ANXA5: variants seen among roughly 807,000 people sequenced by gnomAD.
ANXA5 encodes CBP-I.
A neutral mutation model predicts 48.1 loss-of-function variants in ANXA5; 40 were observed. That is an observed-to-expected ratio of 0.83 (90% confidence interval 0.65 to 1.08). ANXA5 has a LOEUF of 1.08. ANXA5 is among the 50% of genes least tolerant of loss of function. The pLI, the probability that ANXA5 is intolerant of heterozygous loss-of-function variation, is 0.00. For missense variants in ANXA5, 357 were observed against 376.8 expected (o/e 0.95, Z 0.44); for synonymous variants, 113 against 129.1 (o/e 0.88, Z 0.85).
At chr4:121,688,138 C>A (rs1371272198) in intron 2 of ANXA5, among the ~76,000 whole-genome samples, 2 of 152,104 alleles carry the variant, frequency 1.3e-5, no homozygotes, top group Non-Finnish European at 2.9e-5. Context: ...TCACGTTAGG[C>A]TACAATAATG....
At position 121,684,724 on chromosome 4, in the gene ANXA5, C is replaced by A. The variant is rs774223040; in HGVS notation, c.142G>T (p.Ala48Ser). 21 of 1,613,880 alleles carry A rather than the reference C, an allele frequency of 1.3e-5. No homozygotes were observed. Among genetic ancestry groups the A allele is most frequent in the Middle Eastern group, 1.6e-4 (1 of 6,082 alleles). ...GCTGCAGAGATTTCCTGGCGCTGAG[C>A]ATTACTTCGGGATGTCAACAGAGTC... ...ILTLLTSRSN[A>S]QRQEISAAFK... Residue 48 changes from alanine (A) to serine (S), a missense_variant, in exon 4 of 13, where the codon GCT becomes TCT. By Grantham distance (99) the Ala-to-Ser change is moderately conservative. Transcript: ENST00000296511.
intron 8 of ANXA5, among the ~76,000 whole-genome samples, chr4:121,675,151 A>T (rs1280302086): frequency 6.6e-6 from 1 of 152,218 alleles, no homozygotes; most frequent in East Asian, 1.9e-4. Flanking sequence ...CTGGGGAAGA[A>T]GGTAAATCTG....
chr4:121,672,102 C>A (rs552605422), intron 9 of ANXA5, among the ~76,000 whole-genome samples: 1 of 152,268 alleles, frequency 6.6e-6, no homozygotes, highest in Admixed American at 6.5e-5. Flanking sequence ...TGGAATCCCA[C>A]CTCTGGAAAA....
rs576214140 is a variant in ANXA5, at chr4:121,693,979, G to A, written c.9+2602C>T. Among the ~76,000 whole-genome samples the A allele has an allele frequency of 2.6e-5, 4 of 151,230 alleles. No individual in the cohort carries two copies. In the South Asian group the frequency reaches 8.3e-4, roughly 32 times the overall value. ...TTATTATAATAATTTTAAACCAACC[G>A]AAAATATTTCTGATCAAACCTTGTA... On this transcript the variant is annotated intron_variant, in intron 2 of 12. Coordinates refer to ENST00000296511, the MANE Select transcript of ANXA5 (RefSeq NM_001154.4).
At chr4:121,692,363 A>C (rs2110492083) in intron 2 of ANXA5, among the ~76,000 whole-genome samples, 1 of 152,346 alleles carries the variant, frequency 6.6e-6, no homozygotes, top group South Asian at 2.1e-4. Flanking sequence ...ACTTCCCTTG[A>C]CAAACACCAA....
chr4:121,696,654 C>T, intron 1 of ANXA5, 30 bp from the exon 2 acceptor site: 1 of 1,319,456 alleles, frequency 7.6e-7, no homozygotes, highest in Non-Finnish European at 9.8e-7. Context: ...TCGGGCTTAG[C>T]GCGCCATTTG....
At chr4:121,679,950 CTA>C (rs1470303133) in intron 6 of ANXA5, among the ~76,000 whole-genome samples, 1 of 152,140 alleles carries the variant, frequency 6.6e-6, no homozygotes, top group African/African-American at 2.4e-5. Flanking sequence ...TATACTTTCA[CTA>C]TAGTCACCAC....
At chr4:121,678,092 A>G in intron 7 of ANXA5, 142 bp from the exon 8 acceptor site, 1 of 717,344 alleles carries the variant, frequency 1.4e-6, no homozygotes, top group Admixed American at 2.3e-5. Flanking sequence ...GCACTATTTC[A>G]CGTTATCATC....
intron 8 of ANXA5, among the ~76,000 whole-genome samples, chr4:121,674,138 G>A (rs6818227): frequency 0.064 from 9,389 of 146,358 alleles, 754 homozygotes; most frequent in African/African-American, 0.19. Context: ...CCTAGATCAT[G>A]GCACTGCACT....
intron 2 of ANXA5, among the ~76,000 whole-genome samples, chr4:121,696,109 A>G (rs76865656): frequency 0.02 from 3,052 of 151,398 alleles, 36 homozygotes; most frequent in East Asian, 0.042. Context: ...GCAACTGGAA[A>G]AAGCCAATGC....
At chr4:121,677,708 A>G (rs1664350922) in intron 8 of ANXA5, among the ~76,000 whole-genome samples, 186 bp downstream of exon 8, 1 of 152,188 alleles carries the variant, frequency 6.6e-6, no homozygotes, top group Non-Finnish European at 1.5e-5. Context: ...GCTTTAAGGT[A>G]AAATATTTTG....
rs147110745 is a variant in ANXA5, at chr4:121,672,557, G to A, written c.601C>T (p.Arg201Ter). Reference sequence around the variant, plus strand: ...CCCTTTCTCAAATGAGACACACTTCGTGTTCCAAAGATGGTGATAAACTTT... The same window carrying A: ...CCCTTTCTCAAATGAGACACACTTCATGTTCCAAAGATGGTGATAAACTTT... Reference protein sequence around the residue: ...EEKFITIFGTRSVSHLRKVFD... With the variant: ...EEKFITIFGT Residue 201 changes from arginine to a stop codon, truncating the protein, a stop_gained, in exon 9 of 13, where the codon CGA (arginine) becomes TGA (stop). Transcript: ENST00000296511. LOFTEE classifies it high-confidence loss of function. 490 of 1,613,456 alleles carry A rather than the reference G, an allele frequency of 3.0e-4. 1 individual carries two copies. The highest frequency in any genetic ancestry group is 3.8e-4 in the South Asian group (35 of 91,038).
At chr4:121,670,568 T>TACA (rs1243126619) in intron 10 of ANXA5, among the ~76,000 whole-genome samples, 3 of 151,938 alleles carry the variant, frequency 2.0e-5, no homozygotes, top group Non-Finnish European at 2.9e-5. Context: ...TCTGAACATG[T>TACA]ACATGTTGAA....
intron 9 of ANXA5, among the ~76,000 whole-genome samples, chr4:121,672,097 T>C (rs1724623160): frequency 3.3e-5 from 5 of 152,118 alleles, no homozygotes; most frequent in Admixed American, 2.0e-4. Context: ...AACCATGGAA[T>C]CCCACCTCTG....
chr4:121,691,084 G>T (rs1724976004), intron 2 of ANXA5, among the ~76,000 whole-genome samples: 1 of 152,158 alleles, frequency 6.6e-6, no homozygotes, highest in Non-Finnish European at 1.5e-5. Flanking sequence ...CAACTCTTAA[G>T]TAGGTACTGT....
chr4:121,676,963 G>A (rs1457170955), intron 8 of ANXA5, among the ~76,000 whole-genome samples: 1 of 152,170 alleles, frequency 6.6e-6, no homozygotes, highest in Non-Finnish European at 1.5e-5. Flanking sequence ...TGAAGCAAGA[G>A]TCAAATACTG....
chr4:121,670,503 G>A (rs1170085959), intron 10 of ANXA5, among the ~76,000 whole-genome samples: 1 of 152,092 alleles, frequency 6.6e-6, no homozygotes, highest in Non-Finnish European at 1.5e-5. Flanking sequence ...AGCAGCATGA[G>A]ATTTATCCAT....
intron 11 of ANXA5, 83 bp downstream of exon 11, chr4:121,669,871 A>G: frequency 4.1e-6 from 6 of 1,453,684 alleles, no homozygotes; most frequent in Non-Finnish European, 4.7e-6. Flanking sequence ...CCCAAGGTCT[A>G]TCATCTAAAA....
chr4:121,685,598 T>C (rs1724873129), intron 3 of ANXA5, among the ~76,000 whole-genome samples: 1 of 152,042 alleles, frequency 6.6e-6, no homozygotes, highest in East Asian at 1.9e-4. Context: ...CTGGATACAA[T>C]GGAAGGACTT....
Sources: gnomAD v4.1 joint callset for allele counts (sites outside exome capture counted in the v4.1 genomes callset) on GRCh38, gnomAD v4.1.1 for gene constraint, MANE v1.5 for transcripts, NCBI Gene and HGNC (gene_info 2026-07-23, HGNC 2026-07-21) for gene names.